The following TULP4 variants were observed in gnomAD, a reference collection of about 807,000 sequenced individuals.
The protein encoded by TULP4 is tubby-related protein 4.
A neutral mutation model predicts 129.0 loss-of-function variants in TULP4; 16 were observed. That is an observed-to-expected ratio of 0.12 (90% CI 0.08 to 0.19). TULP4 has a LOEUF of 0.19. TULP4 is among the 10% of genes least tolerant of loss of function. The pLI is 1.00. For synonymous variants in TULP4, 998 were observed against 854.0 expected, an observed-to-expected ratio of 1.17 and a Z score of -2.94; for missense variants, 1,842 against 2,059.1, an observed-to-expected ratio of 0.89 and a Z score of 2.04.
chr6:158,421,740 G>T (rs1469879486), intron 2 of TULP4, among the ~76,000 whole-genome samples: 1 of 152,170 alleles, frequency 6.6e-6, no homozygotes, highest in African/African-American at 2.4e-5. Flanking sequence ...TCAAAATATG[G>T]CAAAGAAGCA....
chr6:158,495,549 GTAGT>G (rs1235548370), intron 11 of TULP4, among the ~76,000 whole-genome samples: 2 of 152,196 alleles, frequency 1.3e-5, no homozygotes, highest in African/African-American at 4.8e-5. Flanking sequence ...GAGACTATAA[GTAGT>G]TAGCTAAGGC....
At chr6:158,421,748 G>T (rs1373973196) in intron 2 of TULP4, among the ~76,000 whole-genome samples, 1 of 152,172 alleles carries the variant, frequency 6.6e-6, no homozygotes, top group Non-Finnish European at 1.5e-5. Context: ...TGGCAAAGAA[G>T]CACGTTTTGG....
chr6:158,247,040 A>G (rs1452462244), intron 1 of TULP4, among the ~76,000 whole-genome samples: 1 of 152,218 alleles, frequency 6.6e-6, no homozygotes, highest in African/African-American at 2.4e-5. Context: ...TTTGCAAAAG[A>G]TACACACTAT....
intron 9 of TULP4, among the ~76,000 whole-genome samples, chr6:158,491,390 G>GTTCTTTCTTTCTTTCT (rs534422353): frequency 2.1e-4 from 31 of 146,754 alleles, no homozygotes; most frequent in Non-Finnish European, 3.1e-4. Flanking sequence ...AGTTATAAGA[G>GTTCTTTCTTTCTTTCT]TTCTTTCTTT....
Position 158,506,872 on chromosome 6 carries a change from G to C in TULP4, c.*178G>C. 1 of 587,270 alleles carries C rather than the reference G, an allele frequency of 1.7e-6. No individual in the cohort carries two copies. Among genetic ancestry groups the C allele is most frequent in the Non-Finnish European group, 3.0e-6 (1 of 329,482 alleles). The allele number at this position is 587,270 out of a possible 1,614,324, so 36.4% of individuals were successfully genotyped here. On this transcript the variant is annotated 3_prime_UTR_variant, in exon 14 of 14. Coordinates refer to ENST00000367097, the MANE Select transcript of TULP4 (RefSeq NM_020245.5). ...CCTGTGGTCGTCATTTATTTGGTTG[G>C]GTTTTATTACCTTTTATTGTCTGTT...
intron 1 of TULP4, among the ~76,000 whole-genome samples, chr6:158,295,513 A>G (rs1278061389): frequency 6.6e-6 from 1 of 152,200 alleles, no homozygotes; most frequent in Non-Finnish European, 1.5e-5. Flanking sequence ...TGAGATATAC[A>G]TACAGAAGCA....
At chr6:158,289,215 GTAT>G (rs1778886656) in intron 1 of TULP4, among the ~76,000 whole-genome samples, 1 of 152,070 alleles carries the variant, frequency 6.6e-6, no homozygotes, top group Admixed American at 6.5e-5. Flanking sequence ...GTTGTTCATG[GTAT>G]TATTTTATCT....
In TULP4 at chr6:158,486,105, A is replaced by G. The variant is rs561137072; in HGVS notation, c.1487-3483A>G. ...TGCATGGGAGAAGAACATGAATCTGAGAGTGGCCAGGAGTCCTGTGGACTG... is the reference window on the plus strand; with the variant it reads ...TGCATGGGAGAAGAACATGAATCTGGGAGTGGCCAGGAGTCCTGTGGACTG... On this transcript the variant is annotated intron_variant, in intron 8 of 13. Coordinates refer to ENST00000367097, the MANE Select transcript of TULP4 (RefSeq NM_020245.5). Among the ~76,000 whole-genome samples the G allele has an allele frequency of 8.6e-4, 131 of 152,218 alleles. 1 individual carries two copies. Among genetic ancestry groups the G allele is most frequent in the Non-Finnish European group, 1.5e-3 (100 of 68,052 alleles).
chr6:158,506,719 G>C lies in TULP4; in HGVS notation c.*25G>C. ...AAGAGACTGGTGTGGGGAGGAGAGA[G>C]ATGCAGAGAGCCTTTGGAAGAGGTC... On this transcript the variant is annotated 3_prime_UTR_variant, in exon 14 of 14. Coordinates refer to ENST00000367097, the MANE Select transcript of TULP4 (RefSeq NM_020245.5). The C allele has an allele frequency of 6.7e-7, 1 of 1,483,824 alleles. No homozygotes were observed. Among genetic ancestry groups the C allele is most frequent in the Non-Finnish European group, 9.4e-7 (1 of 1,062,238 alleles). The allele number at this position is 1,483,824 out of a possible 1,614,324, so 91.9% of individuals were successfully genotyped here.
intron 1 of TULP4, among the ~76,000 whole-genome samples, chr6:158,406,903 C>T (rs1777987165): frequency 6.6e-6 from 1 of 152,172 alleles, no homozygotes; most frequent in Non-Finnish European, 1.5e-5. Flanking sequence ...ACTAGAAGGT[C>T]ACCCCCCAGC....
chr6:158,470,054 C>T (rs9364966), intron 6 of TULP4, among the ~76,000 whole-genome samples: 10,951 of 152,104 alleles, frequency 0.072, 1,390 homozygotes, highest in East Asian at 0.52. Flanking sequence ...TCGTGGGTCA[C>T]GGAAGAGAAC....
chr6:158,419,287 T>G (rs761094122), intron 2 of TULP4, among the ~76,000 whole-genome samples: 32 of 152,232 alleles, frequency 2.1e-4, no homozygotes, highest in Non-Finnish European at 3.5e-4. Flanking sequence ...TGGTGTTTGT[T>G]CATTTATTTT....
In TULP4 at chr6:158,511,213, G is replaced by GTAGATAAATTGTTAAATAAA. The variant is rs1374845445; in HGVS notation, c.*4527_*4528insTTGTTAAATAAATAGATAAA. On this transcript the variant is annotated 3_prime_UTR_variant, in exon 14 of 14. Transcript: ENST00000367097. ...GGGTTCTAAGATCTTGTTGTTTATTGTAGATAAAAATTTTTTCGTGTTGTA... is the reference window on the plus strand; with the variant it reads ...GGGTTCTAAGATCTTGTTGTTTATTGTAGATAAATTGTTAAATAAATAGATAAAAATTTTTTCGTGTTGTA... The GTAGATAAATTGTTAAATAAA allele has an allele frequency of 6.6e-6, 1 of 152,436 alleles. No individual in the cohort carries two copies. The highest frequency in any genetic ancestry group is 2.4e-5 in the African/African-American group (1 of 41,354). 9.4% of individuals were successfully genotyped at this position (152,436 alleles called of 1,614,324 possible). A position where few individuals can be genotyped will look rare whatever the true frequency, so the allele number is the denominator to read the frequency against.
chr6:158,385,842 C>CTTTT (rs778595442), intron 1 of TULP4, among the ~76,000 whole-genome samples: 12,489 of 59,432 alleles, frequency 0.21, 3,194 homozygotes, highest in Non-Finnish European at 0.3. Flanking sequence ...TGTGGAATAT[C>CTTTT]TTTTTTTTTT....
At chr6:158,465,037 G>A (rs1032146806) in intron 6 of TULP4, among the ~76,000 whole-genome samples, 8 of 152,104 alleles carry the variant, frequency 5.3e-5, no homozygotes, top group East Asian at 1.9e-4. Context: ...TTATTGCTAC[G>A]AAGAGTCAGT....
chr6:158,261,375 C>G (rs4710166), intron 1 of TULP4, among the ~76,000 whole-genome samples: 50,013 of 152,040 alleles, frequency 0.33, 9,220 homozygotes, highest in Admixed American at 0.45. Context: ...GAAGCATAAG[C>G]GCTACAAGTA....
At chr6:158,258,848 T>C (rs1778297551) in intron 1 of TULP4, among the ~76,000 whole-genome samples, 1 of 152,220 alleles carries the variant, frequency 6.6e-6, no homozygotes, top group African/African-American at 2.4e-5. Flanking sequence ...CAGCATTATT[T>C]GAGCTTAGAG....
chr6:158,319,048 C>T (rs1476074015), intron 1 of TULP4, among the ~76,000 whole-genome samples: 1 of 151,878 alleles, frequency 6.6e-6, no homozygotes, highest in African/African-American at 2.4e-5. Flanking sequence ...GCCCAGCTCA[C>T]GATTGTTAAA....
rs2128269080 is a variant in TULP4 at position 158,508,071 on chromosome 6, C to T, written c.*1377C>T. 1 of 152,320 alleles carries T rather than the reference C, an allele frequency of 6.6e-6. No homozygotes were observed. The highest frequency in any genetic ancestry group is 1.5e-5 in the Non-Finnish European group (1 of 68,036). The allele number at this position is 152,320 out of a possible 1,614,324, so 9.4% of individuals were successfully genotyped here. A position where few individuals can be genotyped will look rare whatever the true frequency, so the allele number is the denominator to read the frequency against. On this transcript the variant is annotated 3_prime_UTR_variant, in exon 14 of 14. Transcript: ENST00000367097. ...TAAAAAAAAATTACCTAGAATATCT[C>T]TTCCCACTTCCTCGTCCTCGTGAGA...
Sources: gnomAD v4.1 joint callset for allele counts (sites outside exome capture counted in the v4.1 genomes callset) on GRCh38, gnomAD v4.1.1 for gene constraint, MANE v1.5 for transcripts, NCBI Gene and HGNC (gene_info 2026-07-23, HGNC 2026-07-21) for gene names.